Variants in ARAP2 observed in about 807,000 individuals in gnomAD.
The protein encoded by ARAP2 is ArfGAP with RhoGAP domain, ankyrin repeat and PH domain 2.
In ARAP2, 148 loss-of-function variants were observed where a neutral mutation model predicts 194.5. The observed-to-expected ratio is 0.76, with a 90% CI of 0.67 to 0.87. ARAP2 has a LOEUF of 0.87. Ranked by LOEUF, ARAP2 falls within the 40% of genes least tolerant of loss-of-function variation. The pLI is 0.00. For missense variants in ARAP2, 2,128 were observed against 1,989.7 expected (o/e 1.07, Z -1.32); for synonymous variants, 695 against 683.5 (o/e 1.02, Z -0.26).
rs1722240204 is a variant in ARAP2, at chr4:36,119,735, T to G, written c.3895-17A>C. 1 of 1,540,976 alleles carries G rather than the reference T, an allele frequency of 6.5e-7. No homozygotes were observed. The highest frequency in any genetic ancestry group is 2.3e-5 in the East Asian group (1 of 44,222). ...TTCTTTAACCTGTTTAAAATATAAT[T>G]CGGGACATTCTAATAATGTAGAATA... On this transcript the variant is annotated splice_polypyrimidine_tract_variant and intron_variant, in intron 23 of 32. Coordinates refer to ENST00000303965, the MANE Select transcript of ARAP2 (RefSeq NM_015230.4).
At chr4:36,030,245 A>G (rs9968355) in intron 5 of ARAP2, among the ~76,000 whole-genome samples, 5,335 of 152,094 alleles carry the variant, frequency 0.035, 297 homozygotes, top group African/African-American at 0.11. Context: ...GTTTAATGTT[A>G]TCTTTATTTC....
chr4:36,078,974 G>A (rs553766726), intron 31 of ARAP2, among the ~76,000 whole-genome samples: 40 of 152,066 alleles, frequency 2.6e-4, no homozygotes, highest in African/African-American at 9.4e-4. Flanking sequence ...AGAAGTTCGA[G>A]ACCAACCTGC....
chr4:36,180,635 T>C (rs1279416090), intron 8 of ARAP2, among the ~76,000 whole-genome samples: 2 of 152,228 alleles, frequency 1.3e-5, no homozygotes, highest in Non-Finnish European at 2.9e-5. Flanking sequence ...GTGTTTGAAA[T>C]GTAGGTCATA....
intron 6 of ARAP2, chr4:36,209,511 T>A: frequency 2.8e-6 from 1 of 351,356 alleles, no homozygotes; most frequent in Non-Finnish European, 5.6e-6. Context: ...TTCCTGCTTC[T>A]ACTAGTCATC....
chr4:36,104,704 T>G (rs2136809), intron 27 of ARAP2, among the ~76,000 whole-genome samples: 1,774 of 152,152 alleles, frequency 0.012, 14 homozygotes, highest in Non-Finnish European at 0.02. Context: ...TGAAAGAGAT[T>G]ATTTTGCTTT....
chr4:36,109,641 T>A (rs570651693), intron 26 of ARAP2, among the ~76,000 whole-genome samples: 16 of 151,974 alleles, frequency 1.1e-4, no homozygotes, highest in Non-Finnish European at 1.8e-4. Flanking sequence ...TTTGTTGTCT[T>A]CTAATTGAAG....
At chr4:36,129,559 G>A (rs1000313334) in intron 20 of ARAP2, among the ~76,000 whole-genome samples, 2 of 151,792 alleles carry the variant, frequency 1.3e-5, no homozygotes, top group Non-Finnish European at 2.9e-5. Flanking sequence ...ACGAATCCCT[G>A]TAAATTCTTT....
At chr4:36,090,602 C>T (rs1460132205) in intron 28 of ARAP2, among the ~76,000 whole-genome samples, 1 of 152,058 alleles carries the variant, frequency 6.6e-6, no homozygotes, top group Non-Finnish European at 1.5e-5. Context: ...GAGATCATGT[C>T]CTTTGCAAGA....
At chr4:36,134,735 T>TACACACACACACAC (rs71199697) in intron 19 of ARAP2, among the ~76,000 whole-genome samples, 23 of 148,166 alleles carry the variant, frequency 1.6e-4, no homozygotes, top group African/African-American at 4.5e-4. Context: ...CACACACAAA[T>TACACACACACACAC]ACACACACAC....
intron 23 of ARAP2, among the ~76,000 whole-genome samples, chr4:36,120,531 T>C (rs1463800122): frequency 1.3e-5 from 2 of 151,504 alleles, no homozygotes; most frequent in Non-Finnish European, 3.0e-5. Flanking sequence ...AATGACAAAA[T>C]TGAGGTGCTA....
rs116015278 is a variant in ARAP2 at position 36,155,173 on chromosome 4, G to A, written c.2752+3557C>T. On this transcript the variant is annotated intron_variant, in intron 15 of 32. Transcript: ENST00000303965. Reference sequence around the variant, plus strand: ...AAATATTTATCATGTCCTACCATGTGCTGACACTGTTTGGGGTATCAAAGA... The same window carrying A: ...AAATATTTATCATGTCCTACCATGTACTGACACTGTTTGGGGTATCAAAGA... 6.2e-3 allele frequency among the ~76,000 whole-genome samples: 937 copies of A among 152,272 alleles called. 10 individuals are homozygous for A. Among genetic ancestry groups the A allele is most frequent in the African/African-American group, 0.021 (884 of 41,548 alleles).
Position 36,067,727 on chromosome 4 carries a change from T to C in ARAP2, c.*180A>G. ...TTTGTTCAGACCAAAATAAAGTTAA[T>C]CTTACATTCAGTCACATATATACAT... On this transcript the variant is annotated 3_prime_UTR_variant, in exon 33 of 33. Transcript: ENST00000303965. 1.7e-6 allele frequency: 1 copy of C among 586,710 alleles called. No homozygotes were observed. The highest frequency in any genetic ancestry group is 2.8e-6 in the Non-Finnish European group (1 of 362,630). The allele number at this position is 586,710 out of a possible 1,614,324, so 36.3% of individuals were successfully genotyped here.
intron 9 of ARAP2, among the ~76,000 whole-genome samples, chr4:36,010,113 G>A (rs1376239465): frequency 6.6e-6 from 1 of 151,422 alleles, no homozygotes; most frequent in East Asian, 1.9e-4. Flanking sequence ...TGAAATCAGG[G>A]AGTATTTTCA....
chr4:36,235,418 C>G (rs1433441237), intron 1 of ARAP2, among the ~76,000 whole-genome samples: 1 of 152,218 alleles, frequency 6.6e-6, no homozygotes, highest in Non-Finnish European at 1.5e-5. Flanking sequence ...TCTTCTCCAG[C>G]ATATACGTAT....
chr4:36,017,524 C>A (rs1032005470), intron 6 of ARAP2, among the ~76,000 whole-genome samples: 9 of 109,974 alleles, frequency 8.2e-5, no homozygotes, highest in African/African-American at 3.1e-4. Flanking sequence ...AGACTGTGCA[C>A]TTTATGCACC....
chr4:36,086,522 T>C (rs1370125329), intron 28 of ARAP2, among the ~76,000 whole-genome samples: 1 of 152,132 alleles, frequency 6.6e-6, no homozygotes, highest in African/African-American at 2.4e-5. Flanking sequence ...TAGATCTTAA[T>C]GGAAAGTTCT....
At chr4:36,099,293 C>T (rs1269174301) in intron 27 of ARAP2, among the ~76,000 whole-genome samples, 1 of 152,044 alleles carries the variant, frequency 6.6e-6, no homozygotes, top group East Asian at 1.9e-4. Flanking sequence ...TTTCTTTATC[C>T]AGTCTATCGT....
chr4:36,141,570 T>C (rs1344572492), intron 19 of ARAP2, among the ~76,000 whole-genome samples: 3 of 151,732 alleles, frequency 2.0e-5, no homozygotes, highest in African/African-American at 7.2e-5. Flanking sequence ...CAGGGGATAA[T>C]TATCAATTTA....
chr4:36,156,354 A>AGAGAGAGAGGGAGG (rs1553923175), intron 15 of ARAP2, among the ~76,000 whole-genome samples: 1 of 41,316 alleles, frequency 2.4e-5, no homozygotes, highest in African/African-American at 1.1e-4. Context: ...AGAGAGAGAG[A>AGAGAGAGAGGGAGG]GAGGGAGGGA....
Sources: gnomAD v4.1 joint callset for allele counts (sites outside exome capture counted in the v4.1 genomes callset) on GRCh38, gnomAD v4.1.1 for gene constraint, MANE v1.5 for transcripts, NCBI Gene and HGNC (gene_info 2026-07-23, HGNC 2026-07-21) for gene names.